Variants in KCNK2 observed in about 807,000 individuals in gnomAD.
KCNK2 encodes potassium channel subfamily K member 2.
KCNK2 carries 21 observed loss-of-function variants against 40.5 expected under a neutral mutation model. The observed-to-expected ratio is 0.52, with a 90% CI of 0.37 to 0.75. The LOEUF (loss-of-function observed/expected upper bound fraction) is 0.75. KCNK2 is among the 30% of genes least tolerant of loss of function. KCNK2 has a pLI of 0.00. For synonymous variants in KCNK2, 191 were observed against 202.2 expected (o/e 0.94, Z 0.47); for missense variants, 399 against 531.6 (o/e 0.75, Z 2.45).
At chr1:215,233,630 G>A (rs1345784102) in intron 6 of KCNK2, among the ~76,000 whole-genome samples, 1 of 152,088 alleles carries the variant, frequency 6.6e-6, no homozygotes, top group East Asian at 1.9e-4. Flanking sequence ...GAAAAATCAA[G>A]AGGGCAAAAA....
At chr1:215,064,366 T>G (rs1253444491) in intron 1 of KCNK2, among the ~76,000 whole-genome samples, 1 of 152,088 alleles carries the variant, frequency 6.6e-6, no homozygotes, top group African/African-American at 2.4e-5. Flanking sequence ...TTTGTGTGTG[T>G]GTGTAATATG....
chr1:215,029,095 G>C (rs888801326), intron 1 of KCNK2, among the ~76,000 whole-genome samples: 5 of 151,584 alleles, frequency 3.3e-5, no homozygotes, highest in Non-Finnish European at 7.4e-5. Flanking sequence ...TCCCCCACCA[G>C]AGTTTTTTTA....
chr1:215,053,163 C>T (rs557761817), intron 1 of KCNK2, among the ~76,000 whole-genome samples: 31 of 152,100 alleles, frequency 2.0e-4, no homozygotes, highest in East Asian at 1.9e-3. Flanking sequence ...ACGATGAGTC[C>T]GTGGCTTCCA....
At chr1:215,011,902 G>A (rs1194917423) in intron 1 of KCNK2, among the ~76,000 whole-genome samples, 2 of 143,846 alleles carry the variant, frequency 1.4e-5, no homozygotes, top group East Asian at 2.1e-4. Context: ...CACCGTGCCC[G>A]GCCTTGAGTC....
intron 6 of KCNK2, among the ~76,000 whole-genome samples, chr1:215,206,825 A>G (rs1485587506): frequency 1.3e-5 from 2 of 152,216 alleles, no homozygotes; most frequent in African/African-American, 4.8e-5. Flanking sequence ...CAGTTAATAT[A>G]AGGCTGAAAC....
chr1:215,121,078 C>G (rs1469892603), intron 2 of KCNK2, among the ~76,000 whole-genome samples: 1 of 152,106 alleles, frequency 6.6e-6, no homozygotes, highest in Admixed American at 6.5e-5. Context: ...AAAGACTGTT[C>G]AGTCCAATAA....
intron 3 of KCNK2, among the ~76,000 whole-genome samples, chr1:215,167,096 G>A (rs1485876907): frequency 6.6e-6 from 1 of 152,110 alleles, no homozygotes; most frequent in Non-Finnish European, 1.5e-5. Flanking sequence ...TGGAAATATT[G>A]TAGGGGAAAA....
chr1:215,195,236 G>C, intron 6 of KCNK2, 144 bp downstream of exon 6: 1 of 612,990 alleles, frequency 1.6e-6, no homozygotes, highest in Non-Finnish European at 2.5e-6. Flanking sequence ...GCTGTATTAG[G>C]CTATGAGCAA....
rs1179278199 is a variant in KCNK2 at position 215,083,429 on chromosome 1, G to C, written c.44G>C (p.Gly15Ala). ...CGGGAGAGACCCGGCTATAGAGCAG[G>C]AGGTGAGACCCCCCCTCCGGTACCC... Reference protein sequence around the residue: ...ASRERPGYRAGVAAPDLLDPK... With the variant: ...ASRERPGYRAAVAAPDLLDPK... The change falls in exon 1 of 7, where the codon GGA (glycine) becomes GCA (alanine). Residue 15 changes from glycine to alanine, a missense_variant and splice_region_variant. Coordinates refer to ENST00000444842, the MANE Select transcript of KCNK2 (RefSeq NM_001017425.3). 2 of 1,611,898 alleles carry C rather than the reference G, an allele frequency of 1.2e-6. No individual in the cohort carries two copies.
intron 1 of KCNK2, among the ~76,000 whole-genome samples, chr1:215,012,484 T>G (rs1239592747): frequency 6.6e-6 from 1 of 151,758 alleles, no homozygotes; most frequent in Non-Finnish European, 1.5e-5. Context: ...CTTTTTCTTT[T>G]TTTTTTGAGA....
intron 1 of KCNK2, among the ~76,000 whole-genome samples, chr1:215,043,104 C>A (rs1010358435): frequency 6.6e-6 from 1 of 152,064 alleles, no homozygotes; most frequent in Non-Finnish European, 1.5e-5. Context: ...TCTTACAATG[C>A]AAGTGACTTC....
chr1:215,082,812 G>T lies in KCNK2; in HGVS notation c.-574G>T, dbSNP rs1659220991. Among the ~76,000 whole-genome samples the T allele has an allele frequency of 6.6e-6, 1 of 152,040 alleles. No homozygotes were observed. The highest frequency in any genetic ancestry group is 6.5e-5 in the Admixed American group (1 of 15,278). ...GAGGGCTGCAGAGCTGCGGGCGCCCGGACCGTGCCACACACCCCCCGCGGG... is the reference window on the plus strand; with the variant it reads ...GAGGGCTGCAGAGCTGCGGGCGCCCTGACCGTGCCACACACCCCCCGCGGG... On this transcript the variant is annotated 5_prime_UTR_variant, in exon 1 of 7. Coordinates refer to ENST00000444842, the MANE Select transcript of KCNK2 (RefSeq NM_001017425.3).
chr1:215,218,567 T>C (rs761371808), intron 6 of KCNK2, among the ~76,000 whole-genome samples: 4 of 152,168 alleles, frequency 2.6e-5, no homozygotes, highest in Non-Finnish European at 4.4e-5. Context: ...AGTGATTCCA[T>C]GAACAAAGCA....
At chr1:215,040,755 C>T (rs2802655) in intron 1 of KCNK2, among the ~76,000 whole-genome samples, 129,571 of 152,134 alleles carry the variant, frequency 0.85, 55,468 homozygotes, top group East Asian at 0.99. Context: ...GAGACTCAGC[C>T]GGATATCAAC....
chr1:215,229,645 A>G (rs4360503), intron 6 of KCNK2, among the ~76,000 whole-genome samples: 34,375 of 151,790 alleles, frequency 0.23, 4,488 homozygotes, highest in African/African-American at 0.36. Flanking sequence ...GACAGAGTGA[A>G]ACCCTGTCTC....
intron 5 of KCNK2, among the ~76,000 whole-genome samples, chr1:215,179,990 T>G (rs894276499): frequency 2.6e-5 from 4 of 152,140 alleles, no homozygotes; most frequent in Non-Finnish European, 5.9e-5. Context: ...TATGGCTAGC[T>G]GAGTCTTTTC....
intron 5 of KCNK2, among the ~76,000 whole-genome samples, chr1:215,188,479 G>T (rs193183750): frequency 9.9e-5 from 15 of 152,230 alleles, no homozygotes; most frequent in Non-Finnish European, 8.8e-5. Flanking sequence ...CAAACTATTT[G>T]CTTTCCTGTA....
At chr1:215,210,160 AGT>A (rs199682352) in intron 6 of KCNK2, among the ~76,000 whole-genome samples, 2 of 146,198 alleles carry the variant, frequency 1.4e-5, no homozygotes, top group African/African-American at 5.0e-5. Flanking sequence ...TATAGTATAT[AGT>A]GTGTGTATGT....
At chr1:215,095,196 C>T (rs1360461812) in intron 2 of KCNK2, among the ~76,000 whole-genome samples, 2 of 152,016 alleles carry the variant, frequency 1.3e-5, no homozygotes, top group African/African-American at 2.4e-5. Flanking sequence ...TGTAGTAATT[C>T]GTATTTGTAA....
Sources: allele counts gnomAD v4.1 joint callset (sites outside exome capture counted in the v4.1 genomes callset), GRCh38; gene constraint gnomAD v4.1.1; transcripts MANE v1.5; gene names NCBI Gene and HGNC (gene_info 2026-07-23, HGNC 2026-07-21).